The following EYA4 variants were observed in gnomAD, a reference collection of about 807,000 sequenced individuals.
EYA4 encodes the protein protein phosphatase EYA4.
EYA4 carries 31 observed loss-of-function variants against 87.9 expected under a neutral mutation model. The observed-to-expected ratio is 0.35, with a 90% CI of 0.27 to 0.48. The LOEUF is 0.48. Among genes scored for constraint, EYA4 ranks in the 20% least tolerant of loss-of-function variants. The probability of loss-of-function intolerance (pLI) is 0.99; values close to 1 mark genes in which losing one functional copy is unlikely to be tolerated. For synonymous variants in EYA4, 263 were observed against 270.6 expected, an observed-to-expected ratio of 0.97 and a Z score of 0.28; for missense variants, 678 against 761.4, an observed-to-expected ratio of 0.89 and a Z score of 1.29.
intron 9 of EYA4, among the ~76,000 whole-genome samples, chr6:133,464,445 A>G (rs1794672846): frequency 2.0e-5 from 3 of 152,276 alleles, no homozygotes; most frequent in South Asian, 4.1e-4. Flanking sequence ...AAGTTCCAGT[A>G]GTTTCCTGGA....
At chr6:133,272,155 G>A (rs1431213614) in intron 1 of EYA4, among the ~76,000 whole-genome samples, 2 of 152,206 alleles carry the variant, frequency 1.3e-5, no homozygotes, top group East Asian at 3.9e-4. Flanking sequence ...CTTCAGAGAT[G>A]TCCCAGAAAG....
chr6:133,410,494 G>T (rs903531648), intron 3 of EYA4, among the ~76,000 whole-genome samples: 1 of 148,006 alleles, frequency 6.8e-6, no homozygotes. Context: ...TACTATTAAG[G>T]TCACAAATTT....
intron 2 of EYA4, among the ~76,000 whole-genome samples, chr6:133,324,990 A>C: frequency 7.0e-6 from 1 of 142,408 alleles, no homozygotes; most frequent in Non-Finnish European, 1.5e-5. Flanking sequence ...GGTTCACTGC[A>C]AGCTCCACCT....
chr6:133,440,100 A>G (rs1450859602), intron 3 of EYA4, among the ~76,000 whole-genome samples: 2 of 152,332 alleles, frequency 1.3e-5, no homozygotes, highest in East Asian at 3.9e-4. Flanking sequence ...TGGCAATATT[A>G]GGTCCCAGTT....
chr6:133,371,670 T>G (rs2128464300), intron 2 of EYA4, among the ~76,000 whole-genome samples: 1 of 152,316 alleles, frequency 6.6e-6, no homozygotes, highest in African/African-American at 2.4e-5. Context: ...TTGTATGATC[T>G]AACTTTTTGA....
chr6:133,480,976 TG>T (rs1472916850), intron 11 of EYA4, among the ~76,000 whole-genome samples: 2 of 151,120 alleles, frequency 1.3e-5, no homozygotes, highest in African/African-American at 4.9e-5. Flanking sequence ...GAAGGGAAGA[TG>T]GGAGAGGTGG....
intron 18 of EYA4, among the ~76,000 whole-genome samples, chr6:133,523,764 G>A (rs962481411): frequency 3.3e-5 from 5 of 152,030 alleles, no homozygotes; most frequent in African/African-American, 9.7e-5. Flanking sequence ...TGCATTTCTC[G>A]CAGACTCCAA....
chr6:133,386,075 A>G (rs1011613024), intron 3 of EYA4, among the ~76,000 whole-genome samples: 1 of 152,184 alleles, frequency 6.6e-6, no homozygotes, highest in Admixed American at 6.5e-5. Context: ...GTTGCTAACC[A>G]TGTCCAGGAT....
chr6:133,394,859 A>C (rs1335303785), intron 3 of EYA4, among the ~76,000 whole-genome samples: 1 of 152,258 alleles, frequency 6.6e-6, no homozygotes. Context: ...ATATTTTGGC[A>C]TGAACACTGG....
At chr6:133,368,792 A>G (rs1289565012) in intron 2 of EYA4, among the ~76,000 whole-genome samples, 1 of 152,212 alleles carries the variant, frequency 6.6e-6, no homozygotes, top group Non-Finnish European at 1.5e-5. Flanking sequence ...CCAGTTTCGC[A>G]GCAGAAGCAG....
intron 2 of EYA4, among the ~76,000 whole-genome samples, chr6:133,339,606 A>G (rs925616650): frequency 4.6e-5 from 7 of 152,228 alleles, no homozygotes; most frequent in African/African-American, 1.7e-4. Flanking sequence ...CTCTGAAAGG[A>G]TGACCATGGA....
intron 3 of EYA4, among the ~76,000 whole-genome samples, chr6:133,439,092 G>A (rs1466131193): frequency 7.0e-6 from 1 of 142,948 alleles, no homozygotes; most frequent in African/African-American, 2.5e-5. Flanking sequence ...TGGGTTGGGC[G>A]AGTCTAGTAG....
intron 9 of EYA4, among the ~76,000 whole-genome samples, chr6:133,463,354 CTTTTTTTTTTT>C (rs571663764): frequency 5.7e-4 from 66 of 115,232 alleles, no homozygotes; most frequent in African/African-American, 2.0e-3. Context: ...TGTGTTTTAT[CTTTTTTTTTTT>C]TTTTTTTTTT....
At chr6:133,410,911 T>C (rs1284948695) in intron 3 of EYA4, among the ~76,000 whole-genome samples, 1 of 151,994 alleles carries the variant, frequency 6.6e-6, no homozygotes, top group Non-Finnish European at 1.5e-5. Flanking sequence ...AGTACTGAAG[T>C]TGGAGCTTTA....
At position 133,331,027 on chromosome 6, in the gene EYA4, GTT is replaced by G. The variant is rs71636692; in HGVS notation, c.34-51345_34-51344del. On this transcript the variant is annotated intron_variant, in intron 2 of 19. Coordinates refer to ENST00000355286, the MANE Select transcript of EYA4 (RefSeq NM_004100.5). ...TTGATTATTTTGTATAACCAAACGG[GTT>G]TTTTTTTTTTTTTTTTTTTGCACCA... is the stretch of plus-strand genomic sequence containing the variant. 4.9e-3 allele frequency among the ~76,000 whole-genome samples: 552 copies of G among 113,542 alleles called. 1 individual carries two copies. Among genetic ancestry groups the G allele is most frequent in the Admixed American group, 0.01 (106 of 10,240 alleles). 74.5% of individuals were successfully genotyped at this position (113,542 alleles called of 152,430 possible). A position where few individuals can be genotyped will look rare whatever the true frequency, so the allele number is the denominator to read the frequency against.
At chr6:133,254,889 T>C (rs928654954) in intron 1 of EYA4, among the ~76,000 whole-genome samples, 3 of 152,230 alleles carry the variant, frequency 2.0e-5, no homozygotes, top group African/African-American at 4.8e-5. Flanking sequence ...TGCTCCCAAC[T>C]CTACATCTTA....
intron 3 of EYA4, among the ~76,000 whole-genome samples, chr6:133,409,826 G>A (rs113375860): frequency 3.3e-5 from 5 of 152,174 alleles, no homozygotes; most frequent in African/African-American, 1.2e-4. Flanking sequence ...TTAAGAGTAT[G>A]GATGTTAGAA....
chr6:133,252,741 T>G (rs569648711), intron 1 of EYA4, among the ~76,000 whole-genome samples: 91 of 152,322 alleles, frequency 6.0e-4, no homozygotes, highest in African/African-American at 2.1e-3. Flanking sequence ...ACTAATTTTC[T>G]TAAGAGTTCT....
At chr6:133,310,593 C>T (rs1440670936) in intron 2 of EYA4, among the ~76,000 whole-genome samples, 3 of 152,136 alleles carry the variant, frequency 2.0e-5, no homozygotes, top group African/African-American at 7.2e-5. Context: ...TGAGGACTTA[C>T]GAACTTGAAT....
Sources: gnomAD v4.1 joint callset for allele counts (sites outside exome capture counted in the v4.1 genomes callset) on GRCh38, gnomAD v4.1.1 for gene constraint, MANE v1.5 for transcripts, NCBI Gene and HGNC (gene_info 2026-07-23, HGNC 2026-07-21) for gene names.